The following LCORL variants were observed in gnomAD, a reference collection of about 807,000 sequenced individuals.
The protein encoded by LCORL is ligand-dependent nuclear receptor corepressor-like protein.
Under a neutral mutation model 141.8 loss-of-function variants are expected in LCORL, and 41 were observed. The ratio of observed to expected loss-of-function variants is 0.29; its 90% confidence interval spans 0.23 to 0.38. LCORL has a LOEUF of 0.38. LCORL is among the 10% of genes least tolerant of loss of function. LCORL has a pLI of 1.00. For synonymous variants in LCORL, 618 were observed against 694.1 expected, an observed-to-expected ratio of 0.89 and a Z score of 1.72; for missense variants, 1,759 against 2,035.0, an observed-to-expected ratio of 0.86 and a Z score of 2.61.
At chr4:17,994,011 G>A (rs1720491316) in intron 1 of LCORL, among the ~76,000 whole-genome samples, 1 of 152,130 alleles carries the variant, frequency 6.6e-6, no homozygotes, top group South Asian at 2.1e-4. Context: ...AATTCATGAG[G>A]TTTGTTTTGC....
rs965175910 is a variant in LCORL, at chr4:17,876,192, C to T, written c.2798G>A (p.Arg933His). ...TACATTTTCAACACTGGAAATCAAG[C>T]GACCCATATCTAAAATAGATGACTT... The change falls in exon 7 of 8, where the codon CGC becomes CAC. Residue 933 changes from arginine (R) to histidine (H), a missense_variant. Coordinates refer to ENST00000635767, the Ensembl canonical transcript of LCORL. 16 of 1,230,824 alleles carry T rather than the reference C, an allele frequency of 1.3e-5. No individual in the cohort carries two copies. The Admixed American group carries it at 1.7e-4, about 13-fold the overall frequency. The allele number at this position is 1,230,824 out of a possible 1,614,324, so 76.2% of individuals were successfully genotyped here.
intron 1 of LCORL, among the ~76,000 whole-genome samples, chr4:17,984,496 T>TG (rs575235380): frequency 3.0e-4 from 45 of 152,062 alleles, no homozygotes; most frequent in Middle Eastern, 6.8e-3. Context: ...TTCAGTTGTA[T>TG]GGGGGGGTAT....
At chr4:18,009,317 A>G (rs1207663139) in intron 1 of LCORL, among the ~76,000 whole-genome samples, 1 of 147,690 alleles carries the variant, frequency 6.8e-6, no homozygotes, top group East Asian at 2.1e-4. Context: ...CTCCCACTGT[A>G]GCTGTCTCTT....
At chr4:17,843,311 A>G in exon 8 of LCORL, 1 of 1,611,428 alleles carries the variant, frequency 6.2e-7, no homozygotes, top group South Asian at 1.1e-5. Context: ...GTGATCATGA[A>G]GTTCCAGAAC....
At chr4:17,998,319 T>C (rs561096188) in intron 1 of LCORL, among the ~76,000 whole-genome samples, 25 of 152,300 alleles carry the variant, frequency 1.6e-4, no homozygotes, top group Non-Finnish European at 2.9e-4. Flanking sequence ...TCAAAAATAA[T>C]CTTAACTTAC....
At chr4:17,893,759 T>TACATTTGATTCTTAGTGTGAC (rs1729468038) in intron 5 of LCORL, among the ~76,000 whole-genome samples, 2 of 152,202 alleles carry the variant, frequency 1.3e-5, no homozygotes, top group Non-Finnish European at 2.9e-5. Context: ...GTCTCTGTGT[T>TACATTTGATTCTTAGTGTGAC]ACATTTGATT....
At chr4:18,010,659 C>T (rs1038332785) in intron 1 of LCORL, among the ~76,000 whole-genome samples, 1 of 151,962 alleles carries the variant, frequency 6.6e-6, no homozygotes, top group African/African-American at 2.4e-5. Context: ...TACATGTTGG[C>T]CAGGCTGGTC....
chr4:17,850,217 A>T (rs1267106022), intron 7 of LCORL, among the ~76,000 whole-genome samples: 2 of 140,626 alleles, frequency 1.4e-5, no homozygotes, highest in Non-Finnish European at 3.1e-5. Flanking sequence ...GGACATAGGC[A>T]TGGGCAAGGA....
chr4:17,988,483 T>C, intron 1 of LCORL, among the ~76,000 whole-genome samples: 1 of 152,154 alleles, frequency 6.6e-6, no homozygotes, highest in East Asian at 1.9e-4. Flanking sequence ...ATGTTTTGCA[T>C]GTTTCTTTGA....
At chr4:17,895,359 A>G (rs1428238322) in intron 5 of LCORL, among the ~76,000 whole-genome samples, 1 of 151,990 alleles carries the variant, frequency 6.6e-6, no homozygotes, top group Non-Finnish European at 1.5e-5. Flanking sequence ...CTCTACTTCT[A>G]TGAGATCGAC....
chr4:17,895,229 TCA>T (rs1729734179), intron 5 of LCORL, among the ~76,000 whole-genome samples: 1 of 152,064 alleles, frequency 6.6e-6, no homozygotes. Flanking sequence ...TTAACTATAG[TCA>T]CCCTATTGTG....
intron 7 of LCORL, among the ~76,000 whole-genome samples, chr4:17,871,865 C>T (rs1306656272): frequency 6.6e-6 from 1 of 151,826 alleles, no homozygotes; most frequent in Non-Finnish European, 1.5e-5. Context: ...TTTGGCCAAC[C>T]TTTAAAATTT....
rs1038092151 is a variant in LCORL, at chr4:17,883,159, T to C, written c.776+2909A>G. 4.1e-6 allele frequency: 4 copies of C among 981,950 alleles called. No homozygotes were observed. The African/African-American group carries it at 7.0e-5, about 17-fold the overall frequency. The allele number at this position is 981,950 out of a possible 1,614,324, so 60.8% of individuals were successfully genotyped here. The stretch of plus-strand genomic sequence containing the variant: ...TCTATTCCTGGTGGATGCACTTGAG[T>C]GCATTTTGTATTTCATAGAATGCAC... On this transcript the variant is annotated intron_variant, in intron 6 of 7. Transcript: ENST00000635767.
At chr4:17,933,671 C>T (rs1214441316) in intron 4 of LCORL, among the ~76,000 whole-genome samples, 1 of 151,804 alleles carries the variant, frequency 6.6e-6, no homozygotes, top group East Asian at 1.9e-4. Flanking sequence ...TGTTTTTCTG[C>T]TTGTTTTGTT....
chr4:17,980,063 G>A (rs149465400), intron 1 of LCORL, among the ~76,000 whole-genome samples: 308 of 152,172 alleles, frequency 2.0e-3, no homozygotes, highest in African/African-American at 6.7e-3. Flanking sequence ...AAAGGAAGAC[G>A]GCCCTGCCTA....
intron 4 of LCORL, among the ~76,000 whole-genome samples, chr4:17,914,069 A>G (rs16896037): frequency 0.074 from 11,313 of 152,282 alleles, 961 homozygotes; most frequent in African/African-American, 0.21. Flanking sequence ...ATACTTTTTT[A>G]GTCCAAACTA....
chr4:17,844,291 A>AAAT (rs1722712392), exon 8 of LCORL: 1 of 152,348 alleles, frequency 6.6e-6, no homozygotes, highest in Non-Finnish European at 1.5e-5. Flanking sequence ...GTACTATATG[A>AAAT]AATTGGTCCT....
At chr4:17,989,091 T>C (rs1719532408) in intron 1 of LCORL, among the ~76,000 whole-genome samples, 1 of 152,218 alleles carries the variant, frequency 6.6e-6, no homozygotes, top group Non-Finnish European at 1.5e-5. Flanking sequence ...CCAGCTTTAA[T>C]AGTATATCTA....
rs1003518367 is a variant in LCORL, at chr4:18,019,071, C to G, written c.154+2527G>C. Among the ~76,000 whole-genome samples the G allele has an allele frequency of 8.5e-5, 13 of 152,130 alleles. 1 individual carries two copies. The highest frequency in any genetic ancestry group is 1.3e-4 in the Non-Finnish European group (9 of 68,020). ...AACACCTAAGATGCTAAAAAAAGCC[C>G]AATCGACAAGTGTATACTCTGTTTA... On this transcript the variant is annotated intron_variant, in intron 1 of 7. Coordinates refer to ENST00000635767, the Ensembl canonical transcript of LCORL.
Sources: gnomAD v4.1 joint callset for allele counts (sites outside exome capture counted in the v4.1 genomes callset) on GRCh38, gnomAD v4.1.1 for gene constraint, MANE v1.5 for transcripts, NCBI Gene and HGNC (gene_info 2026-07-23, HGNC 2026-07-21) for gene names.